The following GULP1 variants were observed in gnomAD, a reference collection of about 807,000 sequenced individuals.
GULP1 encodes the protein PTB domain-containing engulfment adapter protein 1.
A neutral mutation model predicts 40.9 loss-of-function variants in GULP1; 19 were observed. That is an observed-to-expected ratio of 0.46 (90% CI 0.32 to 0.68). GULP1 has a LOEUF of 0.68. Ranked by LOEUF, GULP1 falls within the 30% of genes least tolerant of loss-of-function variation. GULP1 has a pLI of 0.03. For synonymous variants in GULP1, 119 were observed against 117.6 expected (o/e 1.01, Z -0.08); for missense variants, 312 against 362.2 (o/e 0.86, Z 1.12).
In GULP1 at chr2:188,357,424, A is replaced by G. The variant is rs2045487000; in HGVS notation, c.-171-26339A>G. On this transcript the variant is annotated intron_variant, in intron 1 of 11. Coordinates refer to ENST00000409830, the MANE Select transcript of GULP1 (RefSeq NM_016315.4). ...ACATTTCTCAAAAGAAGACATACAA[A>G]TTATCAGTAAGTATATGAGAAAACG... Among the ~76,000 whole-genome samples, 3 of 152,188 alleles carry G rather than the reference A, an allele frequency of 2.0e-5. No homozygotes were observed. In the South Asian group the frequency reaches 6.2e-4, roughly 32 times the overall value.
At chr2:188,462,915 A>G (rs1019733056) in intron 2 of GULP1, among the ~76,000 whole-genome samples, 3 of 152,150 alleles carry the variant, frequency 2.0e-5, no homozygotes, top group African/African-American at 7.2e-5. Context: ...ACTTGATGCC[A>G]TAACTTCATA....
intron 4 of GULP1, among the ~76,000 whole-genome samples, chr2:188,490,091 A>G (rs2062220217): frequency 6.6e-6 from 1 of 152,118 alleles, no homozygotes; most frequent in African/African-American, 2.4e-5. Context: ...ACATTTCAGT[A>G]TTTACTATAG....
intron 2 of GULP1, among the ~76,000 whole-genome samples, chr2:188,384,889 T>C (rs1382566994): frequency 6.6e-6 from 1 of 152,182 alleles, no homozygotes; most frequent in Non-Finnish European, 1.5e-5. Context: ...AGAGGTGAGT[T>C]CCCATGGTCT....
chr2:188,441,534 A>G (rs563331584), intron 2 of GULP1, among the ~76,000 whole-genome samples: 15 of 152,240 alleles, frequency 9.9e-5, no homozygotes, highest in Non-Finnish European at 1.9e-4. Flanking sequence ...GAGCCTTCTT[A>G]CTTGGCTTCT....
intron 10 of GULP1, 56 bp from the exon 11 acceptor site, chr2:188,587,799 C>G: frequency 5.4e-6 from 5 of 922,496 alleles, no homozygotes; most frequent in Non-Finnish European, 8.8e-6. Flanking sequence ...TGAAATCTAA[C>G]TAACTCCAGC....
chr2:188,516,035 T>C (rs1346640045), intron 4 of GULP1, among the ~76,000 whole-genome samples: 4 of 152,194 alleles, frequency 2.6e-5, no homozygotes, highest in Non-Finnish European at 5.9e-5. Context: ...TGCTTTCCTG[T>C]CTTTTGTTAT....
intron 7 of GULP1, among the ~76,000 whole-genome samples, chr2:188,554,564 A>G (rs1448214270): frequency 6.6e-6 from 1 of 151,458 alleles, no homozygotes; most frequent in African/African-American, 2.4e-5. Flanking sequence ...GTGGCCTAAT[A>G]TATGGGCTAT....
chr2:188,354,244 C>T (rs1370651175), intron 1 of GULP1, among the ~76,000 whole-genome samples: 1 of 152,072 alleles, frequency 6.6e-6, no homozygotes, highest in Non-Finnish European at 1.5e-5. Context: ...GGTGCCTTAT[C>T]CCCCCAGGAT....
At chr2:188,396,443 G>A (rs2051286897) in intron 2 of GULP1, among the ~76,000 whole-genome samples, 1 of 152,190 alleles carries the variant, frequency 6.6e-6, no homozygotes, top group South Asian at 2.1e-4. Flanking sequence ...TATGCGGAGC[G>A]GGGAGTAACA....
chr2:188,398,458 T>A, intron 2 of GULP1, among the ~76,000 whole-genome samples: 1 of 152,256 alleles, frequency 6.6e-6, no homozygotes, highest in East Asian at 1.9e-4. Flanking sequence ...ATAATGATAT[T>A]CAAATTAATC....
intron 4 of GULP1, among the ~76,000 whole-genome samples, chr2:188,499,983 C>T (rs980551606): frequency 6.6e-6 from 1 of 151,772 alleles, no homozygotes; most frequent in East Asian, 1.9e-4. Context: ...ATATTTAGTT[C>T]TTTTCTGCAC....
At chr2:188,586,140 T>C (rs1702319828) in intron 10 of GULP1, among the ~76,000 whole-genome samples, 1 of 152,192 alleles carries the variant, frequency 6.6e-6, no homozygotes, top group South Asian at 2.1e-4. Flanking sequence ...GTCTCTTTGC[T>C]GAAGTGTAAC....
intron 2 of GULP1, among the ~76,000 whole-genome samples, chr2:188,446,369 A>T (rs925442990): frequency 1.3e-5 from 2 of 152,134 alleles, no homozygotes; most frequent in Non-Finnish European, 2.9e-5. Context: ...TTTCTTATAA[A>T]ATGAGATAAT....
chr2:188,506,398 A>C (rs2153182097), intron 4 of GULP1, among the ~76,000 whole-genome samples: 1 of 152,084 alleles, frequency 6.6e-6, no homozygotes, highest in South Asian at 2.1e-4. Flanking sequence ...TGTTTTCTAT[A>C]ATCTACCTGG....
intron 1 of GULP1, among the ~76,000 whole-genome samples, chr2:188,380,666 A>G (rs1421299808): frequency 6.6e-6 from 1 of 152,200 alleles, no homozygotes; most frequent in Admixed American, 6.5e-5. Context: ...ACATTTTGCA[A>G]ATTAGATTAA....
chr2:188,523,500 A>G (rs1685367561), intron 5 of GULP1, among the ~76,000 whole-genome samples: 1 of 152,216 alleles, frequency 6.6e-6, no homozygotes, highest in African/African-American at 2.4e-5. Flanking sequence ...GAAATTTACA[A>G]AACTCCTTCA....
At chr2:188,369,877 T>C (rs2152432945) in intron 1 of GULP1, among the ~76,000 whole-genome samples, 1 of 152,304 alleles carries the variant, frequency 6.6e-6, no homozygotes, top group East Asian at 1.9e-4. Flanking sequence ...GAAGTCTCCC[T>C]CTGTCACCCA....
At chr2:188,506,727 A>G (rs992531013) in intron 4 of GULP1, among the ~76,000 whole-genome samples, 26 of 152,056 alleles carry the variant, frequency 1.7e-4, no homozygotes, top group Non-Finnish European at 2.4e-4. Flanking sequence ...TATGTAGAGT[A>G]AAGTTTGACC....
At chr2:188,402,697 ACTAT>A (rs2052480726) in intron 2 of GULP1, among the ~76,000 whole-genome samples, 1 of 151,992 alleles carries the variant, frequency 6.6e-6, no homozygotes, top group African/African-American at 2.4e-5. Context: ...CTTCCTCTAG[ACTAT>A]CTATCTGCTT....
Sources: gnomAD v4.1 joint callset for allele counts (sites outside exome capture counted in the v4.1 genomes callset) on GRCh38, gnomAD v4.1.1 for gene constraint, MANE v1.5 for transcripts, NCBI Gene and HGNC (gene_info 2026-07-23, HGNC 2026-07-21) for gene names.